Variants in TMEM123 observed in about 807,000 individuals in gnomAD.
TMEM123 encodes porimin.
In TMEM123, 16 loss-of-function variants were observed where a neutral mutation model predicts 19.7. That is an observed-to-expected ratio of 0.81 (90% CI 0.55 to 1.23). The LOEUF (loss-of-function observed/expected upper bound fraction) is 1.23. Among genes scored for constraint, TMEM123 ranks in the 50% most tolerant of loss-of-function variants. The pLI is 0.00. For missense variants in TMEM123, 313 were observed against 257.8 expected, an observed-to-expected ratio of 1.21 and a Z score of -1.47; for synonymous variants, 118 against 99.4, an observed-to-expected ratio of 1.19 and a Z score of -1.12.
intron 2 of TMEM123, among the ~76,000 whole-genome samples, chr11:102,417,037 A>ACTGAG (rs1336354250): frequency 6.6e-6 from 1 of 152,222 alleles, no homozygotes; most frequent in East Asian, 1.9e-4. Flanking sequence ...CTAACATCAT[A>ACTGAG]CTGAGTGGCC....
intron 4 of TMEM123, among the ~76,000 whole-genome samples, chr11:102,400,889 A>G (rs2135840812): frequency 6.6e-6 from 1 of 152,268 alleles, no homozygotes; most frequent in East Asian, 1.9e-4. Context: ...GAACTAAGAC[A>G]ACACGTAAGA....
At chr11:102,433,525 C>T (rs1243076653) in intron 2 of TMEM123, among the ~76,000 whole-genome samples, 1 of 151,752 alleles carries the variant, frequency 6.6e-6, no homozygotes, top group Non-Finnish European at 1.5e-5. Flanking sequence ...TTTACAGGCT[C>T]ATAGGTGGAA....
intron 2 of TMEM123, among the ~76,000 whole-genome samples, chr11:102,426,349 T>C (rs553853779): frequency 6.6e-6 from 1 of 152,292 alleles, no homozygotes; most frequent in South Asian, 2.1e-4. Context: ...CATTAACTCA[T>C]TTAATCCTCA....
intron 2 of TMEM123, among the ~76,000 whole-genome samples, chr11:102,425,588 T>C (rs889348299): frequency 3.4e-5 from 5 of 148,152 alleles, no homozygotes; most frequent in African/African-American, 7.5e-5. Context: ...TTTTTCTTTT[T>C]TTTTTTTTTT....
At chr11:102,414,242 AGAGG>A (rs1000088859) in intron 2 of TMEM123, among the ~76,000 whole-genome samples, 4 of 152,226 alleles carry the variant, frequency 2.6e-5, no homozygotes, top group Non-Finnish European at 5.9e-5. Flanking sequence ...TCCCTGAAAG[AGAGG>A]GAGAGAAAAC....
At chr11:102,414,976 C>T (rs536026812) in intron 2 of TMEM123, among the ~76,000 whole-genome samples, 90 of 152,248 alleles carry the variant, frequency 5.9e-4, no homozygotes, top group African/African-American at 2.0e-3. Context: ...ATGACACCCA[C>T]GGGCTCAAAA....
At chr11:102,441,444 C>T (rs1336974816) in intron 2 of TMEM123, among the ~76,000 whole-genome samples, 3 of 152,168 alleles carry the variant, frequency 2.0e-5, no homozygotes, top group Non-Finnish European at 4.4e-5. Context: ...TGAATGACTA[C>T]TGGGTACATA....
chr11:102,402,752 G>C (rs2135842297), intron 2 of TMEM123, among the ~76,000 whole-genome samples: 1 of 152,274 alleles, frequency 6.6e-6, no homozygotes, highest in South Asian at 2.1e-4. Context: ...CTATGCATTA[G>C]GAAGTGAGAT....
chr11:102,429,254 T>C lies in TMEM123; in HGVS notation c.157+19558A>G, dbSNP rs578216040. ...AGTCCTTGTTTATCTAAGTTAGTTA[T>C]AGAAAATTTCTACTGCTTGCAACCA... On this transcript the variant is annotated intron_variant, in intron 2 of 4. Coordinates refer to ENST00000398136, the MANE Select transcript of TMEM123 (RefSeq NM_052932.3). 6.6e-5 allele frequency among the ~76,000 whole-genome samples: 10 copies of C among 152,310 alleles called. No individual in the cohort carries two copies. The East Asian group carries it at 1.7e-3, about 26-fold the overall frequency.
intron 2 of TMEM123, among the ~76,000 whole-genome samples, chr11:102,423,459 A>G (rs181276183): frequency 4.6e-5 from 7 of 152,312 alleles, no homozygotes; most frequent in East Asian, 1.9e-4. Flanking sequence ...AGGCAGCCCT[A>G]TGGGGAACCT....
chr11:102,410,581 C>T (rs1001495460), intron 2 of TMEM123, among the ~76,000 whole-genome samples: 2 of 151,922 alleles, frequency 1.3e-5, no homozygotes, highest in African/African-American at 4.8e-5. Flanking sequence ...CCCTCTGTTC[C>T]TGCTCAAAAC....
At chr11:102,451,717 T>G (rs966718312) in intron 1 of TMEM123, among the ~76,000 whole-genome samples, 3 of 152,250 alleles carry the variant, frequency 2.0e-5, no homozygotes, top group Non-Finnish European at 4.4e-5. Flanking sequence ...AAAGGGCTGT[T>G]TGAAGTCTCC....
At chr11:102,449,090 TAACA>T (rs1485310169) in intron 1 of TMEM123, 2 of 475,192 alleles carry the variant, frequency 4.2e-6, no homozygotes, top group South Asian at 2.1e-5. Context: ...CTAGCTTACA[TAACA>T]AACACTTACA....
At chr11:102,438,832 T>C (rs1165329261) in intron 2 of TMEM123, among the ~76,000 whole-genome samples, 1 of 152,174 alleles carries the variant, frequency 6.6e-6, no homozygotes, top group South Asian at 2.1e-4. Context: ...GAATCCCCTT[T>C]CCTAGCAAAG....
chr11:102,396,448 A>C lies in TMEM123; in HGVS notation c.*2419T>G, dbSNP rs1951856299. 6.6e-6 allele frequency: 1 copy of C among 152,228 alleles called. No individual in the cohort carries two copies. The highest frequency in any genetic ancestry group is 2.1e-4 in the South Asian group (1 of 4,836). The allele number at this position is 152,228 out of a possible 1,614,324, so 9.4% of individuals were successfully genotyped here. ...TTTAACTTTTTTTTTGTGAAAATAC[A>C]AAATTATCACTATAATATACTGCCA... is the stretch of plus-strand genomic sequence containing the variant. On this transcript the variant is annotated 3_prime_UTR_variant, in exon 5 of 5. Coordinates refer to ENST00000398136, the MANE Select transcript of TMEM123 (RefSeq NM_052932.3).
At chr11:102,438,612 CCAG>C (rs1857790400) in intron 2 of TMEM123, among the ~76,000 whole-genome samples, 1 of 152,166 alleles carries the variant, frequency 6.6e-6, no homozygotes, top group South Asian at 2.1e-4. Context: ...TTAAAAATTA[CCAG>C]CAACGGGTTC....
At chr11:102,436,312 AT>A (rs772539106) in intron 2 of TMEM123, among the ~76,000 whole-genome samples, 7 of 151,776 alleles carry the variant, frequency 4.6e-5, no homozygotes, top group Non-Finnish European at 8.8e-5. Flanking sequence ...ACAGGCGTGC[AT>A]CACCACGCCT....
At chr11:102,416,832 G>T (rs891377070) in intron 2 of TMEM123, among the ~76,000 whole-genome samples, 2 of 152,042 alleles carry the variant, frequency 1.3e-5, no homozygotes, top group African/African-American at 2.4e-5. Context: ...GGGATGCAAG[G>T]TTGGTTAAAC....
intron 2 of TMEM123, among the ~76,000 whole-genome samples, chr11:102,429,007 C>T (rs530757893): frequency 7.9e-5 from 12 of 152,260 alleles, no homozygotes; most frequent in South Asian, 2.1e-4. Flanking sequence ...GGAGGGACTA[C>T]GAGTGGGTAG....
Sources: gnomAD v4.1 joint callset for allele counts (sites outside exome capture counted in the v4.1 genomes callset) on GRCh38, gnomAD v4.1.1 for gene constraint, MANE v1.5 for transcripts, NCBI Gene and HGNC (gene_info 2026-07-23, HGNC 2026-07-21) for gene names.